ATXN2: variants seen among roughly 807,000 people sequenced by gnomAD.
ATXN2 encodes the protein ataxin-2.
In ATXN2, 37 loss-of-function variants were observed where a neutral mutation model predicts 138.6. The observed-to-expected ratio is 0.27, with a 90% CI of 0.21 to 0.35. The LOEUF is 0.35. Among genes scored for constraint, ATXN2 ranks in the 10% least tolerant of loss-of-function variants. The pLI is 1.00. For missense variants in ATXN2, 1,216 were observed against 1,480.3 expected (o/e 0.82, Z 2.93); for synonymous variants, 549 against 543.7 (o/e 1.01, Z -0.13).
At chr12:111,491,294 C>T (rs780221096) in intron 14 of ATXN2, among the ~76,000 whole-genome samples, 2 of 152,064 alleles carry the variant, frequency 1.3e-5, no homozygotes, top group African/African-American at 2.4e-5. Flanking sequence ...GCCCCACCAC[C>T]GTGGGTAAAG....
chr12:111,505,475 T>C (rs1301545623), intron 14 of ATXN2, among the ~76,000 whole-genome samples: 2 of 152,150 alleles, frequency 1.3e-5, no homozygotes, highest in African/African-American at 4.8e-5. Flanking sequence ...ACACACAATA[T>C]ATAAAGAACT....
intron 14 of ATXN2, 107 bp from the exon 15 acceptor site, chr12:111,488,887 G>C (rs1877822840): frequency 1.0e-6 from 1 of 956,650 alleles, no homozygotes; most frequent in Non-Finnish European, 1.5e-6. Flanking sequence ...GAAATGTTCT[G>C]AATAAGGCTT....
intron 1 of ATXN2, among the ~76,000 whole-genome samples, chr12:111,584,331 G>A (rs1043206530): frequency 5.8e-5 from 7 of 121,082 alleles, no homozygotes; most frequent in Middle Eastern, 7.7e-3. Context: ...GCAGTGAGCC[G>A]AGACTGCACC....
rs967098689 is a variant in ATXN2 at position 111,504,690 on chromosome 12, G to C, written c.1935+4859C>G. Among the ~76,000 whole-genome samples the C allele has an allele frequency of 7.9e-5, 12 of 152,170 alleles. No homozygotes were observed. The East Asian group carries it at 2.3e-3, about 29-fold the overall frequency. The stretch of plus-strand genomic sequence containing the variant: ...ACAGTAAAAATGGTTATAAGTGTAT[G>C]GTTATGTGTCAATTAGAAATAAAAA... On this transcript the variant is annotated intron_variant, in intron 14 of 24. Transcript: ENST00000673436.
chr12:111,490,781 G>A (rs946909611), intron 14 of ATXN2, among the ~76,000 whole-genome samples: 2 of 152,132 alleles, frequency 1.3e-5, no homozygotes, highest in African/African-American at 4.8e-5. Context: ...TGCAGTGTGG[G>A]GTGGAGAAAG....
At chr12:111,597,778 C>T (rs1885011165) in intron 1 of ATXN2, 1 of 1,071,118 alleles carries the variant, frequency 9.3e-7, no homozygotes, top group African/African-American at 1.6e-5. Flanking sequence ...CGACCACGTC[C>T]CCTGCTGCAA....
intron 5 of ATXN2, among the ~76,000 whole-genome samples, chr12:111,543,434 CTTTTA>C (rs1881640337): frequency 6.6e-6 from 1 of 152,030 alleles, no homozygotes. Flanking sequence ...CTACACAATT[CTTTTA>C]TTTTTTATTT....
intron 1 of ATXN2, among the ~76,000 whole-genome samples, chr12:111,566,363 C>T (rs544700737): frequency 9.6e-5 from 14 of 146,382 alleles, no homozygotes; most frequent in Non-Finnish European, 3.0e-5. Context: ...ACCCGGGAGG[C>T]GGAGGTTGCG....
intron 14 of ATXN2, among the ~76,000 whole-genome samples, chr12:111,492,939 G>A (rs571285328): frequency 6.6e-6 from 1 of 152,154 alleles, no homozygotes; most frequent in South Asian, 2.1e-4. Context: ...AGATAATACA[G>A]AGAACAAATT....
chr12:111,492,211 G>A (rs371342679), intron 14 of ATXN2, among the ~76,000 whole-genome samples: 13 of 152,278 alleles, frequency 8.5e-5, no homozygotes, highest in East Asian at 3.9e-4. Flanking sequence ...AAGAGGACAA[G>A]AGACTGCCTG....
intron 23 of ATXN2, chr12:111,454,953 A>G: frequency 1.5e-6 from 1 of 679,690 alleles, no homozygotes; most frequent in East Asian, 2.7e-5. Context: ...CACTATCAAA[A>G]AGCAAATCAA....
Position 111,470,749 on chromosome 12 carries a change from A to G in ATXN2, c.2525-7T>C, listed in dbSNP as rs779225786. 4 of 1,611,328 alleles carry G rather than the reference A, an allele frequency of 2.5e-6. No individual in the cohort carries two copies. Among genetic ancestry groups the G allele is most frequent in the East Asian group, 2.2e-5 (1 of 44,870 alleles). The stretch of plus-strand genomic sequence containing the variant: ...TGTTGGGGCATATTTGGTACTGCAG[A>G]AAAAAAAGCAGACTGCCTATTAAAC... On this transcript the variant is annotated splice_region_variant and splice_polypyrimidine_tract_variant and intron_variant, in intron 18 of 24. Transcript: ENST00000673436.
chr12:111,541,291 C>CCA (rs1881489409), intron 5 of ATXN2, among the ~76,000 whole-genome samples: 1 of 148,762 alleles, frequency 6.7e-6, no homozygotes, highest in Non-Finnish European at 1.5e-5. Context: ...AATAAAATAC[C>CCA]CACATAAATT....
chr12:111,589,167 T>C (rs1365183764), intron 1 of ATXN2, among the ~76,000 whole-genome samples: 1 of 148,054 alleles, frequency 6.8e-6, no homozygotes, highest in Non-Finnish European at 1.5e-5. Context: ...ATACAAAAAT[T>C]AGCCAGGCAT....
At chr12:111,528,067 A>G (rs2135750850) in intron 5 of ATXN2, among the ~76,000 whole-genome samples, 1 of 152,332 alleles carries the variant, frequency 6.6e-6, no homozygotes, top group South Asian at 2.1e-4. Flanking sequence ...AAGAAGCAAC[A>G]GGACTGTTCC....
chr12:111,493,347 G>C (rs1424154941), intron 14 of ATXN2, among the ~76,000 whole-genome samples: 3 of 147,934 alleles, frequency 2.0e-5, no homozygotes, highest in African/African-American at 7.6e-5. Flanking sequence ...TTGAACCTGG[G>C]AGTTGGAGGT....
chr12:111,566,630 T>C (rs753524429), intron 1 of ATXN2, among the ~76,000 whole-genome samples: 115 of 151,110 alleles, frequency 7.6e-4, no homozygotes, highest in Non-Finnish European at 1.4e-3. Context: ...TTAGAGGAAA[T>C]TGCTTTTCTT....
Position 111,541,037 on chromosome 12 carries a change from A to C in ATXN2, c.571+11243T>G, listed in dbSNP as rs1388800967. Reference sequence around the variant, plus strand: ...TTATAATCAAAGGTATCGATCTTTTACTTCATGATTTTTTTGCTCTGGTAG... The same window carrying C: ...TTATAATCAAAGGTATCGATCTTTTCCTTCATGATTTTTTTGCTCTGGTAG... On this transcript the variant is annotated intron_variant, in intron 5 of 24. Transcript: ENST00000673436. Among the ~76,000 whole-genome samples the C allele has an allele frequency of 4.0e-5, 6 of 150,068 alleles. No individual in the cohort carries two copies. In the Admixed American group the frequency reaches 4.0e-4, roughly 10 times the overall value.
At chr12:111,454,981 A>C in intron 23 of ATXN2, 1 of 700,676 alleles carries the variant, frequency 1.4e-6, no homozygotes. Context: ...GCGCTACACC[A>C]CAGAACCTAA....
Sources: allele counts gnomAD v4.1 joint callset (sites outside exome capture counted in the v4.1 genomes callset), GRCh38; gene constraint gnomAD v4.1.1; transcripts MANE v1.5; gene names NCBI Gene and HGNC (gene_info 2026-07-23, HGNC 2026-07-21).